PARD3B: variants seen among roughly 807,000 people sequenced by gnomAD.
PARD3B encodes the protein par-3 family cell polarity regulator beta.
In PARD3B, 103 loss-of-function variants were observed where a neutral mutation model predicts 130.2. The observed-to-expected ratio is 0.79, with a 90% confidence interval of 0.67 to 0.93. The LOEUF is 0.93. PARD3B is among the 40% of genes least tolerant of loss of function. The pLI is 0.00. For missense variants in PARD3B, 1,609 were observed against 1,499.2 expected (o/e 1.07, Z -1.21); for synonymous variants, 583 against 553.2 (o/e 1.05, Z -0.76).
At chr2:205,096,325 T>TA (rs771069783) in intron 4 of PARD3B, among the ~76,000 whole-genome samples, 2 of 152,124 alleles carry the variant, frequency 1.3e-5, no homozygotes, top group Non-Finnish European at 2.9e-5. Flanking sequence ...ATGATGAACT[T>TA]ATATTAGAAT....
At chr2:205,340,089 G>T (rs2043464781) in intron 18 of PARD3B, among the ~76,000 whole-genome samples, 1 of 152,062 alleles carries the variant, frequency 6.6e-6, no homozygotes, top group Non-Finnish European at 1.5e-5. Flanking sequence ...TACCTAGAAT[G>T]AATCCCCCTG....
chr2:204,608,577 A>G (rs2033814335), intron 1 of PARD3B, among the ~76,000 whole-genome samples: 1 of 152,220 alleles, frequency 6.6e-6, no homozygotes, highest in South Asian at 2.1e-4. Flanking sequence ...CTGAAAGCAT[A>G]AACTCTTTAT....
In PARD3B at chr2:205,276,847, T is replaced by C. The variant is rs1418550421; in HGVS notation, c.2186-23683T>C. On this transcript the variant is annotated intron_variant, in intron 16 of 22. Coordinates refer to ENST00000406610, the MANE Select transcript of PARD3B (RefSeq NM_001302769.2). This position sits in a 1 kb window ranked among gnomAD's most constrained non-coding sequence, Gnocchi z 5.0. ...CTGGCCCCATAGCTGGCTCTCTGTG[T>C]GACCCTTAGTCATGCTGAGCCTCAG... 6.6e-6 allele frequency among the ~76,000 whole-genome samples: 1 copy of C among 152,250 alleles called. No individual in the cohort carries two copies. Among genetic ancestry groups the C allele is most frequent in the Non-Finnish European group, 1.5e-5 (1 of 68,038 alleles).
At chr2:205,517,279 G>C (rs970130329) in intron 21 of PARD3B, among the ~76,000 whole-genome samples, 28 of 152,042 alleles carry the variant, frequency 1.8e-4, no homozygotes, top group African/African-American at 6.5e-4. Context: ...CAGCCTCATA[G>C]AATGAGGTGG....
chr2:204,698,147 C>T (rs1261037798), intron 2 of PARD3B, among the ~76,000 whole-genome samples: 3 of 152,192 alleles, frequency 2.0e-5, no homozygotes, highest in South Asian at 2.1e-4. Context: ...CTTACATTTA[C>T]GCCTGTTTCC....
chr2:204,858,010 C>CAAACGGTAAATTCA (rs1174363881), intron 2 of PARD3B, among the ~76,000 whole-genome samples: 1 of 152,074 alleles, frequency 6.6e-6, no homozygotes, highest in African/African-American at 2.4e-5. Flanking sequence ...AACGGTACTT[C>CAAACGGTAAATTCA]AATGGAATTT....
chr2:205,413,523 T>C (rs2046671559), intron 19 of PARD3B, among the ~76,000 whole-genome samples: 1 of 152,212 alleles, frequency 6.6e-6, no homozygotes, highest in Non-Finnish European at 1.5e-5. Context: ...AAGTGAATAA[T>C]TGCTGCAATG....
intron 2 of PARD3B, among the ~76,000 whole-genome samples, chr2:204,901,463 C>T (rs1413462039): frequency 1.3e-5 from 2 of 151,844 alleles, no homozygotes; most frequent in Non-Finnish European, 2.9e-5. Context: ...TAAATGCTAC[C>T]AGGCCTGGGA....
At chr2:205,335,018 C>T (rs1319000802) in intron 18 of PARD3B, among the ~76,000 whole-genome samples, 1 of 152,146 alleles carries the variant, frequency 6.6e-6, no homozygotes, top group Non-Finnish European at 1.5e-5. Flanking sequence ...ATTTTACCAT[C>T]CTTTTAAAGG....
chr2:204,778,016 AT>A (rs1419924553), intron 2 of PARD3B, among the ~76,000 whole-genome samples: 1 of 152,020 alleles, frequency 6.6e-6, no homozygotes, highest in East Asian at 1.9e-4. Context: ...TTCAGCCATG[AT>A]TGTAAGTTTC....
At chr2:204,570,979 C>CAACTGAGGTGTATAAGCTGTTGT (rs1277406153) in intron 1 of PARD3B, among the ~76,000 whole-genome samples, 70 of 74,462 alleles carry the variant, frequency 9.4e-4, no homozygotes, top group Middle Eastern at 8.9e-3. Context: ...TAAGCTGTTG[C>CAACTGAGGTGTATAAGCTGTTGT]AACTGAGGTG....
chr2:204,838,893 C>T (rs900302589), intron 2 of PARD3B, among the ~76,000 whole-genome samples: 1 of 152,168 alleles, frequency 6.6e-6, no homozygotes, highest in South Asian at 2.1e-4. Context: ...AATTGCAAGA[C>T]GTTGAAAGGG....
intron 22 of PARD3B, among the ~76,000 whole-genome samples, chr2:205,611,027 A>T (rs1299276855): frequency 6.6e-6 from 1 of 152,228 alleles, no homozygotes; most frequent in Admixed American, 6.5e-5. Context: ...GGAGATAGTT[A>T]GATATGTAAG....
rs558187556 is a variant in PARD3B at position 204,980,570 on chromosome 2, T to C, written c.394+15247T>C. On this transcript the variant is annotated intron_variant, in intron 3 of 22. Transcript: ENST00000406610. ...GTTTGAACCAAGTGATCAAGATTAT[T>C]ATCTCCAGGCATAATTCAGCTGATA... Among the ~76,000 whole-genome samples the C allele has an allele frequency of 3.3e-5, 5 of 152,320 alleles. No homozygotes were observed. The South Asian group carries it at 1.0e-3, about 32-fold the overall frequency.
intron 2 of PARD3B, among the ~76,000 whole-genome samples, chr2:204,691,599 G>T (rs1483532295): frequency 6.6e-6 from 1 of 151,984 alleles, no homozygotes; most frequent in Non-Finnish European, 1.5e-5. Context: ...TACAGGGTTG[G>T]TGTAGGAAAA....
At chr2:205,188,033 G>C (rs2036194176) in intron 14 of PARD3B, among the ~76,000 whole-genome samples, 1 of 152,166 alleles carries the variant, frequency 6.6e-6, no homozygotes, top group South Asian at 2.1e-4. Flanking sequence ...AAGCATCCCT[G>C]CCTGCAAGAA....
At chr2:204,843,746 C>A (rs925975273) in intron 2 of PARD3B, among the ~76,000 whole-genome samples, 3 of 152,104 alleles carry the variant, frequency 2.0e-5, no homozygotes, top group African/African-American at 7.2e-5. Context: ...GAATTTCTGC[C>A]TTTGTCTGTT....
At chr2:205,188,900 T>C (rs529034588) in intron 14 of PARD3B, among the ~76,000 whole-genome samples, 1 of 152,226 alleles carries the variant, frequency 6.6e-6, no homozygotes, top group African/African-American at 2.4e-5. Context: ...AAAACAAATT[T>C]GATCAAACTT....
chr2:205,574,831 T>C (rs2053688859), intron 22 of PARD3B, among the ~76,000 whole-genome samples: 1 of 135,246 alleles, frequency 7.4e-6, no homozygotes, highest in South Asian at 2.3e-4. Flanking sequence ...TTATAGAAGC[T>C]GCAATGGGGA....
Sources: gnomAD v4.1 joint callset for allele counts (sites outside exome capture counted in the v4.1 genomes callset) on GRCh38, gnomAD v4.1.1 for gene constraint, Gnocchi (gnomAD v3.1) non-coding constraint, MANE v1.5 for transcripts, NCBI Gene and HGNC (gene_info 2026-07-23, HGNC 2026-07-21) for gene names.